Variants in INSR observed in about 807,000 individuals in gnomAD.
INSR encodes the protein insulin receptor.
In INSR, 67 loss-of-function variants were observed where a neutral mutation model predicts 142.6. That is an observed-to-expected ratio of 0.47 (90% CI 0.39 to 0.58). The LOEUF (loss-of-function observed/expected upper bound fraction) is 0.58. INSR is among the 20% of genes least tolerant of loss of function. The pLI is 0.00. For synonymous variants in INSR, 756 were observed against 743.1 expected (o/e 1.02, Z -0.28); for missense variants, 1,248 against 1,833.2 (o/e 0.68, Z 5.83).
intron 2 of INSR, among the ~76,000 whole-genome samples, chr19:7,186,553 A>G (rs1292663028): frequency 2.0e-5 from 3 of 152,034 alleles, no homozygotes; most frequent in Non-Finnish European, 4.4e-5. Context: ...GGTATTAAAT[A>G]CTTTTATGTG....
chr19:7,215,164 G>C (rs1402189279), intron 2 of INSR, among the ~76,000 whole-genome samples: 5 of 152,028 alleles, frequency 3.3e-5, no homozygotes, highest in Non-Finnish European at 5.9e-5. Flanking sequence ...GCAAAGAAGT[G>C]GAAGAACTAG....
At chr19:7,203,362 G>A (rs1975019925) in intron 2 of INSR, among the ~76,000 whole-genome samples, 1 of 152,122 alleles carries the variant, frequency 6.6e-6, no homozygotes. Context: ...TTCAAATTTA[G>A]CCACACGTTG....
rs1972577165 is a variant in INSR, at chr19:7,124,540, GGAAAAAAAAAAAAAAAA to G, written c.3258+726_3258+742del. Among the ~76,000 whole-genome samples the G allele has an allele frequency of 1.1e-3, 12 of 10,808 alleles. 1 individual carries two copies. The highest frequency in any genetic ancestry group is 1.5e-3 in the African/African-American group (4 of 2,592). The allele number at this position is 10,808 out of a possible 152,430, so 7.1% of individuals were successfully genotyped here. A position where few individuals can be genotyped will look rare whatever the true frequency, so the allele number is the denominator to read the frequency against. ...CACAACAAAGCGAGACTCCGTTTCA[GGAAAAAAAAAAAAAAAA>G]AAAAAAAAAAAAAAAAAAAAAAAAA... On this transcript the variant is annotated intron_variant, in intron 17 of 21. Transcript: ENST00000302850.
At chr19:7,259,527 T>C (rs1976996139) in intron 2 of INSR, among the ~76,000 whole-genome samples, 1 of 152,042 alleles carries the variant, frequency 6.6e-6, no homozygotes, top group Non-Finnish European at 1.5e-5. Context: ...ATTGTTAAAA[T>C]ACCAAGGCAA....
At chr19:7,134,572 C>T (rs966894201) in intron 13 of INSR, among the ~76,000 whole-genome samples, 1 of 151,972 alleles carries the variant, frequency 6.6e-6, no homozygotes, top group African/African-American at 2.4e-5. Flanking sequence ...TGAGACCATC[C>T]TTGCCAACAT....
intron 1 of INSR, among the ~76,000 whole-genome samples, chr19:7,277,973 A>G (rs1968110814): frequency 6.6e-6 from 1 of 150,932 alleles, no homozygotes; most frequent in Admixed American, 6.6e-5. Flanking sequence ...GCTCGCCTGT[A>G]ATCCCAGCTA....
chr19:7,229,035 A>C (rs1407357611), intron 2 of INSR, among the ~76,000 whole-genome samples: 3 of 147,868 alleles, frequency 2.0e-5, no homozygotes, highest in East Asian at 2.0e-4. Flanking sequence ...GGATGGATGA[A>C]TGGATGAGTG....
At chr19:7,255,344 T>G (rs2145184749) in intron 2 of INSR, among the ~76,000 whole-genome samples, 1 of 152,212 alleles carries the variant, frequency 6.6e-6, no homozygotes, top group East Asian at 1.9e-4. Flanking sequence ...AGCCCCTGTG[T>G]GACCTTCATG....
At chr19:7,228,766 C>T (rs566190631) in intron 2 of INSR, among the ~76,000 whole-genome samples, 1 of 152,178 alleles carries the variant, frequency 6.6e-6, no homozygotes, top group Non-Finnish European at 1.5e-5. Flanking sequence ...ACTTTTAATA[C>T]TTCAAAACAT....
At chr19:7,258,117 T>C (rs1383525463) in intron 2 of INSR, among the ~76,000 whole-genome samples, 2 of 152,164 alleles carry the variant, frequency 1.3e-5, no homozygotes, top group African/African-American at 2.4e-5. Context: ...TGAGCCACCA[T>C]GCCCGGCCAA....
rs373285821 is a variant in INSR at position 7,125,565 on chromosome 19, C to A, written c.3014-38G>T. 104 of 1,608,594 alleles carry A rather than the reference C, an allele frequency of 6.5e-5. No individual in the cohort carries two copies. In the African/African-American group the frequency reaches 8.4e-4, roughly 13 times the overall value. ...TATCTACACAGCATCCTTGGAGGAT[C>A]CCTTGGGGGTCTGCAGCCACCTTCC... On this transcript the variant is annotated intron_variant, in intron 16 of 21. Coordinates refer to ENST00000302850, the MANE Select transcript of INSR (RefSeq NM_000208.4). This position sits in a 1 kb window ranked among gnomAD's most constrained non-coding sequence, Gnocchi z 4.9.
At chr19:7,259,036 C>CCTTCCTTCCTTTCTTT (rs1267464045) in intron 2 of INSR, among the ~76,000 whole-genome samples, 6 of 140,898 alleles carry the variant, frequency 4.3e-5, no homozygotes, top group African/African-American at 1.3e-4. Flanking sequence ...TTCCTTCCCT[C>CCTTCCTTCCTTTCTTT]CTTCCTTCCT....
rs1599901080 is a variant in INSR, at chr19:7,146,077, A to G, written c.2268-2987T>C. ...ATCTTCCTTATTGCACCTCTTGATG[A>G]ACTAGATGATGTTATCAAATCTTCT... On this transcript the variant is annotated intron_variant, in intron 11 of 21. Coordinates refer to ENST00000302850, the MANE Select transcript of INSR (RefSeq NM_000208.4). 3.3e-5 allele frequency among the ~76,000 whole-genome samples: 5 copies of G among 152,248 alleles called. 1 individual carries two copies. The highest frequency in any genetic ancestry group is 3.3e-4 in the Admixed American group (5 of 15,276).
intron 2 of INSR, among the ~76,000 whole-genome samples, chr19:7,251,252 A>G (rs1976717657): frequency 6.6e-6 from 1 of 151,864 alleles, no homozygotes; most frequent in Admixed American, 6.6e-5. Context: ...AAACACATCA[A>G]TTTATTTTAT....
intron 9 of INSR, among the ~76,000 whole-genome samples, chr19:7,153,370 C>CACACACCACACACCCCACACACCAA (rs1490656300): frequency 5.8e-5 from 4 of 69,406 alleles, no homozygotes; most frequent in African/African-American, 1.7e-4. Context: ...ACACACCCCA[C>CACACACCACACACCCCACACACCAA]ACACACCATA....
intron 2 of INSR, among the ~76,000 whole-genome samples, chr19:7,246,489 C>T (rs183063132): frequency 6.6e-6 from 1 of 152,262 alleles, no homozygotes; most frequent in Non-Finnish European, 1.5e-5. Context: ...ACTGGTTGAT[C>T]CCAGACATGA....
intron 2 of INSR, among the ~76,000 whole-genome samples, chr19:7,224,413 G>A (rs1229226634): frequency 2.6e-5 from 4 of 152,044 alleles, no homozygotes; most frequent in African/African-American, 2.4e-5. Flanking sequence ...AAACAGAGGC[G>A]TGCAGCGAAG....
chr19:7,195,931 C>CTT (rs903162924), intron 2 of INSR, among the ~76,000 whole-genome samples: 6 of 54,814 alleles, frequency 1.1e-4, no homozygotes, highest in East Asian at 7.6e-4. Context: ...TCTTTTCTTT[C>CTT]TTTTTTTTTT....
intron 1 of INSR, among the ~76,000 whole-genome samples, chr19:7,271,171 CAA>C (rs1967916160): frequency 6.6e-6 from 1 of 152,048 alleles, no homozygotes; most frequent in African/African-American, 2.4e-5. Context: ...TAGCTAAAAC[CAA>C]AAAGAGTGAC....
Sources: gnomAD v4.1 joint callset for allele counts (sites outside exome capture counted in the v4.1 genomes callset) on GRCh38, gnomAD v4.1.1 for gene constraint, Gnocchi (gnomAD v3.1) non-coding constraint, MANE v1.5 for transcripts, NCBI Gene and HGNC (gene_info 2026-07-23, HGNC 2026-07-21) for gene names.